Variants in MIB1 observed in about 807,000 individuals in gnomAD.
MIB1 encodes E3 ubiquitin-protein ligase MIB1.
In MIB1, 278 loss-of-function variants were observed where a neutral mutation model predicts 124.5. The observed-to-expected ratio is 2.23, with a 90% CI of 2.02 to 2.47. The LOEUF is 2.47. MIB1 is among the 30% of genes most tolerant of loss of function. The pLI, the probability that MIB1 is intolerant of heterozygous loss-of-function variation, is 0.00. For synonymous variants in MIB1, 446 were observed against 429.4 expected, an observed-to-expected ratio of 1.04 and a Z score of -0.48; for missense variants, 957 against 1,254.4, an observed-to-expected ratio of 0.76 and a Z score of 3.58.
chr18:21,790,333 CA>C (rs2041487893), intron 6 of MIB1, among the ~76,000 whole-genome samples: 1 of 152,064 alleles, frequency 6.6e-6, no homozygotes, highest in African/African-American at 2.4e-5. Flanking sequence ...ATATTGGTGA[CA>C]ATTTGGAAGC....
At chr18:21,770,393 T>TAA (rs945373195) in intron 3 of MIB1, among the ~76,000 whole-genome samples, 7 of 152,218 alleles carry the variant, frequency 4.6e-5, no homozygotes, top group Admixed American at 4.6e-4. Context: ...TGAAGAAAGT[T>TAA]AACATCCCTT....
In MIB1 at chr18:21,857,241, T is replaced by C; in HGVS notation, c.2777T>C (p.Ile926Thr). The change falls in exon 19 of 21, where the codon ATC (isoleucine) becomes ACC (threonine). Residue 926 changes from isoleucine (I) to threonine (T), a missense_variant and splice_region_variant. Transcript: ENST00000261537. ...AGTTCAGAAGATGCCACTGATGATA[T>C]CTGTAAGTCGATTGTCTTAAGCATT... ...GKSSEDATDDISSGNIPVLQK... is the reference protein window; with the variant it reads ...GKSSEDATDDTSSGNIPVLQK... 1 of 1,606,836 alleles carries C rather than the reference T, an allele frequency of 6.2e-7. No homozygotes were observed. The highest frequency in any genetic ancestry group is 1.7e-5 in the Admixed American group (1 of 60,020).
intron 1 of MIB1, among the ~76,000 whole-genome samples, chr18:21,729,838 C>A (rs892867482): frequency 6.6e-6 from 1 of 152,192 alleles, no homozygotes; most frequent in Admixed American, 6.5e-5. Flanking sequence ...ATCACCTAAT[C>A]ACCTGCTAAA....
intron 12 of MIB1, among the ~76,000 whole-genome samples, chr18:21,836,356 C>G (rs2042032606): frequency 6.6e-6 from 1 of 151,002 alleles, no homozygotes; most frequent in Admixed American, 6.6e-5. Context: ...TCACTGCAAG[C>G]TCCACCTCCT....
chr18:21,847,077 A>AT lies in MIB1; in HGVS notation c.2346dup (p.Pro783SerfsTer12). ...CAATCGCCACTTGATCTCTGTCCTG[A>AT]TCCGAATCTCTGCAAAGCACTGGCA... is the stretch of plus-strand genomic sequence containing the variant. On this transcript the variant is annotated frameshift_variant, in exon 16 of 21. Transcript: ENST00000261537. LOFTEE classifies it high-confidence loss of function. 6.2e-7 allele frequency: 1 copy of AT among 1,614,164 alleles called. No individual in the cohort carries two copies. Among genetic ancestry groups the AT allele is most frequent in the Non-Finnish European group, 8.5e-7 (1 of 1,180,016 alleles).
chr18:21,779,352 A>G lies in MIB1; in HGVS notation c.704-129A>G, dbSNP rs45586238. The G allele has an allele frequency of 4.2e-3, 2,993 of 711,192 alleles. 14 individuals are homozygous for G. The highest frequency in any genetic ancestry group is 5.3e-3 in the Non-Finnish European group (2,239 of 420,342). The allele number at this position is 711,192 out of a possible 1,614,324, so 44.1% of individuals were successfully genotyped here. ...TTCTAAAATTTTATACTTATAGGGAATTCTCAAGACCTTTTAAAACTAGAT... is the reference window on the plus strand; with the variant it reads ...TTCTAAAATTTTATACTTATAGGGAGTTCTCAAGACCTTTTAAAACTAGAT... On this transcript the variant is annotated intron_variant, in intron 5 of 20. Transcript: ENST00000261537.
intron 6 of MIB1, among the ~76,000 whole-genome samples, chr18:21,788,333 G>A (rs934464185): frequency 6.6e-6 from 1 of 152,168 alleles, no homozygotes; most frequent in Non-Finnish European, 1.5e-5. Flanking sequence ...CCTAGGTATA[G>A]CATTAGGCCT....
chr18:21,834,285 T>G (rs2042007658), intron 12 of MIB1, among the ~76,000 whole-genome samples: 1 of 152,162 alleles, frequency 6.6e-6, no homozygotes, highest in African/African-American at 2.4e-5. Context: ...ATGACCTCTT[T>G]TCTTGAGGCC....
At chr18:21,824,360 T>A (rs1461365943) in intron 12 of MIB1, among the ~76,000 whole-genome samples, 1 of 152,174 alleles carries the variant, frequency 6.6e-6, no homozygotes, top group Non-Finnish European at 1.5e-5. Context: ...TTTTACTTTT[T>A]AAATTCTGAA....
intron 20 of MIB1, among the ~76,000 whole-genome samples, chr18:21,860,985 G>A (rs2042271712): frequency 6.6e-6 from 1 of 152,200 alleles, no homozygotes; most frequent in Non-Finnish European, 1.5e-5. Flanking sequence ...GCTGAAATGA[G>A]CTATGACAGC....
chr18:21,779,406 TATTTAAAG>T (rs1336501334), intron 5 of MIB1, 67 bp from the exon 6 acceptor site: 1 of 1,150,194 alleles, frequency 8.7e-7, no homozygotes, highest in Non-Finnish European at 1.3e-6. Context: ...ATCTACATGT[TATTTAAAG>T]ATAATGCAGC....
rs1389996085 is a variant in MIB1, at chr18:21,723,895, A to G, written n.167+18772A>G. 4.7e-5 allele frequency among the ~76,000 whole-genome samples: 7 copies of G among 150,112 alleles called. No homozygotes were observed. The East Asian group carries it at 1.4e-3, about 29-fold the overall frequency. On this transcript the variant is annotated intron_variant and non_coding_transcript_variant, in intron 1 of 20. Coordinates refer to the MIB1 transcript ENST00000578646. Reference sequence around the variant, plus strand: ...AGAGCTTAACTTTTTTTTTTTTTTAAGAGATGAGGTCTCCCTTTATTGCCC... The same window carrying G: ...AGAGCTTAACTTTTTTTTTTTTTTAGGAGATGAGGTCTCCCTTTATTGCCC...
At chr18:21,859,739 A>G (rs2042257845) in intron 20 of MIB1, among the ~76,000 whole-genome samples, 1 of 151,938 alleles carries the variant, frequency 6.6e-6, no homozygotes, top group South Asian at 2.1e-4. Flanking sequence ...AAATACAAAA[A>G]TTAGCCAGGC....
At chr18:21,708,883 G>C (rs990247613) in intron 1 of MIB1, among the ~76,000 whole-genome samples, 1 of 152,120 alleles carries the variant, frequency 6.6e-6, no homozygotes, top group African/African-American at 2.4e-5. Context: ...AGGTACACAG[G>C]GTTCTTAGTA....
intron 17 of MIB1, among the ~76,000 whole-genome samples, chr18:21,852,490 G>A (rs2042188766): frequency 6.6e-6 from 1 of 152,154 alleles, no homozygotes; most frequent in Admixed American, 6.5e-5. Context: ...AGCCAAGGTG[G>A]TTAATAGTTA....
At chr18:21,752,220 T>A in intron 1 of MIB1, among the ~76,000 whole-genome samples, 1 of 152,074 alleles carries the variant, frequency 6.6e-6, no homozygotes, top group East Asian at 1.9e-4. Context: ...GTCCCAGCTC[T>A]GCTCTTGAGG....
At chr18:21,735,030 A>G (rs1271424719) in intron 1 of MIB1, among the ~76,000 whole-genome samples, 1 of 152,186 alleles carries the variant, frequency 6.6e-6, no homozygotes, top group Non-Finnish European at 1.5e-5. Flanking sequence ...AGTACTGAAG[A>G]GTGGAATGGC....
intron 4 of MIB1, among the ~76,000 whole-genome samples, chr18:21,775,637 G>C (rs2041276601): frequency 6.6e-6 from 1 of 152,118 alleles, no homozygotes; most frequent in Non-Finnish European, 1.5e-5. Flanking sequence ...GTGATTATCA[G>C]CTTTTCATTT....
At chr18:21,742,442 TTAAA>T (rs2040864859) in intron 1 of MIB1, among the ~76,000 whole-genome samples, 1 of 152,146 alleles carries the variant, frequency 6.6e-6, no homozygotes, top group Non-Finnish European at 1.5e-5. Flanking sequence ...TTTCTTTGTG[TTAAA>T]TACTTTTTCC....
Sources: allele counts gnomAD v4.1 joint callset (sites outside exome capture counted in the v4.1 genomes callset), GRCh38; gene constraint gnomAD v4.1.1; transcripts MANE v1.5; gene names NCBI Gene and HGNC (gene_info 2026-07-23, HGNC 2026-07-21).